The following PALM2AKAP2 variants were observed in gnomAD, a reference collection of about 807,000 sequenced individuals.
PALM2AKAP2 encodes the protein PALM2-AKAP2 fusion protein.
In PALM2AKAP2, 37 loss-of-function variants were observed where a neutral mutation model predicts 71.5. That is an observed-to-expected ratio of 0.52 (90% CI 0.40 to 0.68). PALM2AKAP2 has a LOEUF of 0.68. PALM2AKAP2 is among the 30% of genes least tolerant of loss of function. The probability of loss-of-function intolerance (pLI) is 0.00; values close to 1 mark genes in which losing one functional copy is unlikely to be tolerated. For missense variants in PALM2AKAP2, 1,224 were observed against 1,191.8 expected, an observed-to-expected ratio of 1.03 and a Z score of -0.40; for synonymous variants, 468 against 478.8, an observed-to-expected ratio of 0.98 and a Z score of 0.29.
rs561876181 is a variant in PALM2AKAP2 at position 109,882,027 on chromosome 9, G to C, written c.257+1346G>C. Reference sequence around the variant, plus strand: ...GCCTCCCGAGTAGCTGGGACTACAGGCGTGCACCAACCACGCCCAGCTAAT... The same window carrying C: ...GCCTCCCGAGTAGCTGGGACTACAGCCGTGCACCAACCACGCCCAGCTAAT... On this transcript the variant is annotated intron_variant, in intron 3 of 9. Coordinates refer to the PALM2AKAP2 transcript ENST00000302798. Among the ~76,000 whole-genome samples, 14 of 151,968 alleles carry C rather than the reference G, an allele frequency of 9.2e-5. No homozygotes were observed. In the East Asian group the frequency reaches 2.7e-3, roughly 29 times the overall value.
At chr9:110,079,025 T>A (rs1168048802) in intron 1 of PALM2AKAP2, among the ~76,000 whole-genome samples, 2 of 152,244 alleles carry the variant, frequency 1.3e-5, no homozygotes, top group Non-Finnish European at 2.9e-5. Flanking sequence ...TGAATAAGGA[T>A]GTTTTCTTTT....
chr9:110,155,823 C>T (rs77949486), intron 2 of PALM2AKAP2, among the ~76,000 whole-genome samples: 2,255 of 152,342 alleles, frequency 0.015, 70 homozygotes, highest in African/African-American at 0.052. Context: ...AGACAATTGA[C>T]TTCCTCTGCT....
intron 2 of PALM2AKAP2, among the ~76,000 whole-genome samples, chr9:110,144,211 A>G (rs1836105595): frequency 6.6e-6 from 1 of 152,212 alleles, no homozygotes; most frequent in Non-Finnish European, 1.5e-5. Flanking sequence ...AGAAGGATTG[A>G]TGATGAGAGA....
chr9:109,675,373 A>G (rs1827633561), intron 1 of PALM2AKAP2, among the ~76,000 whole-genome samples: 1 of 152,282 alleles, frequency 6.6e-6, no homozygotes, highest in African/African-American at 2.4e-5. Flanking sequence ...TTCTGAAAAT[A>G]TGTGTATATC....
At chr9:109,724,979 A>G (rs1018712560) in intron 1 of PALM2AKAP2, among the ~76,000 whole-genome samples, 4 of 152,248 alleles carry the variant, frequency 2.6e-5, no homozygotes, top group Non-Finnish European at 4.4e-5. Flanking sequence ...ACACATCAAT[A>G]AAATATGAAC....
intron 1 of PALM2AKAP2, among the ~76,000 whole-genome samples, chr9:109,694,936 A>C (rs2118559986): frequency 6.6e-6 from 1 of 152,274 alleles, no homozygotes; most frequent in Admixed American, 6.5e-5. Context: ...ATGATGACTT[A>C]ATTAATGCAT....
At chr9:109,864,551 A>G (rs1030043501) in intron 1 of PALM2AKAP2, among the ~76,000 whole-genome samples, 1 of 152,226 alleles carries the variant, frequency 6.6e-6, no homozygotes, top group African/African-American at 2.4e-5. Context: ...CACTTAAATG[A>G]TATTTGAATC....
chr9:109,824,941 C>A (rs1828105314), intron 1 of PALM2AKAP2, among the ~76,000 whole-genome samples: 1 of 152,172 alleles, frequency 6.6e-6, no homozygotes, highest in Admixed American at 6.5e-5. Flanking sequence ...GAGTTACCAG[C>A]CTGTGGAGGA....
At chr9:110,164,388 G>A (rs1000883900) in intron 3 of PALM2AKAP2, among the ~76,000 whole-genome samples, 1 of 152,032 alleles carries the variant, frequency 6.6e-6, no homozygotes, top group Non-Finnish European at 1.5e-5. Context: ...TCAAAGTTAA[G>A]CAATTCACTT....
chr9:109,997,371 G>C (rs988541502), intron 6 of PALM2AKAP2, among the ~76,000 whole-genome samples: 4 of 152,036 alleles, frequency 2.6e-5, no homozygotes, highest in African/African-American at 4.8e-5. Context: ...ACACATAAAG[G>C]CTATATATAG....
At chr9:109,912,142 G>A (rs1358987679) in intron 3 of PALM2AKAP2, among the ~76,000 whole-genome samples, 1 of 152,116 alleles carries the variant, frequency 6.6e-6, no homozygotes, top group South Asian at 2.1e-4. Flanking sequence ...GCTGGAAAGG[G>A]GTGGGAGCAG....
At chr9:109,780,376 G>T, upstream of PALM2AKAP2, 1 of 1,599,554 alleles carries the variant, frequency 6.3e-7, no homozygotes, top group East Asian at 2.2e-5. Flanking sequence ...GCCGTCCCTG[G>T]GCGTTCTCCC....
intron 1 of PALM2AKAP2, among the ~76,000 whole-genome samples, chr9:109,694,985 T>G (rs1827949844): frequency 6.6e-6 from 1 of 152,100 alleles, no homozygotes. Flanking sequence ...GAAAAAAAAG[T>G]ATTTTAAAAA....
chr9:110,122,300 G>A (rs973749391), intron 1 of PALM2AKAP2, among the ~76,000 whole-genome samples: 2 of 152,220 alleles, frequency 1.3e-5, no homozygotes, highest in Non-Finnish European at 2.9e-5. Context: ...CCAGCACTGG[G>A]ATTTTACAGG....
At chr9:110,055,975 G>A (rs1385352108) in intron 1 of PALM2AKAP2, among the ~76,000 whole-genome samples, 1 of 152,216 alleles carries the variant, frequency 6.6e-6, no homozygotes, top group Non-Finnish European at 1.5e-5. Context: ...TGGGAAACCT[G>A]TGGGGCTAGG....
intron 1 of PALM2AKAP2, among the ~76,000 whole-genome samples, chr9:110,093,548 A>G (rs368247546): frequency 1.1e-4 from 16 of 152,368 alleles, no homozygotes; most frequent in African/African-American, 3.6e-4. Flanking sequence ...TATCAGGGAC[A>G]TTTAATGAGA....
At chr9:109,697,038 C>A (rs146319348) in intron 1 of PALM2AKAP2, among the ~76,000 whole-genome samples, 68 of 152,218 alleles carry the variant, frequency 4.5e-4, no homozygotes, top group African/African-American at 1.6e-3. Flanking sequence ...ATATAAGATT[C>A]TCTTGAAAGC....
chr9:109,732,138 G>A (rs976970344), intron 1 of PALM2AKAP2, among the ~76,000 whole-genome samples: 15 of 152,196 alleles, frequency 9.9e-5, no homozygotes, highest in African/African-American at 3.6e-4. Context: ...TGCAGGGCTG[G>A]AAATTGTGCA....
At chr9:109,934,552 C>T (rs1831179464) in intron 6 of PALM2AKAP2, among the ~76,000 whole-genome samples, 1 of 152,180 alleles carries the variant, frequency 6.6e-6, no homozygotes, top group Admixed American at 6.5e-5. Flanking sequence ...CCTCTGCACG[C>T]TCTTCACTTG....
Sources: gnomAD v4.1 joint callset for allele counts (sites outside exome capture counted in the v4.1 genomes callset) on GRCh38, gnomAD v4.1.1 for gene constraint, MANE v1.5 for transcripts, NCBI Gene and HGNC (gene_info 2026-07-23, HGNC 2026-07-21) for gene names.